FOXN3: variants seen among roughly 807,000 people sequenced by gnomAD.
FOXN3 encodes the protein forkhead box protein N3.
In FOXN3, 7 loss-of-function variants were observed where a neutral mutation model predicts 38.4. That is an observed-to-expected ratio of 0.18 (90% CI 0.10 to 0.34). The LOEUF (loss-of-function observed/expected upper bound fraction) is 0.34, where lower values mean the gene tolerates loss of function less well. Among genes scored for constraint, FOXN3 ranks in the 10% least tolerant of loss-of-function variants. The pLI is 1.00. For missense variants in FOXN3, 456 were observed against 613.4 expected (o/e 0.74, Z 2.71); for synonymous variants, 230 against 242.2 (o/e 0.95, Z 0.47).
chr14:89,432,836 C>G (rs1283375229), intron 1 of FOXN3, among the ~76,000 whole-genome samples: 2 of 152,050 alleles, frequency 1.3e-5, no homozygotes, highest in Non-Finnish European at 2.9e-5. Flanking sequence ...TAGCATTCTT[C>G]ATTTTCTTTT....
At chr14:89,514,395 C>G (rs1894161600) in intron 1 of FOXN3, among the ~76,000 whole-genome samples, 1 of 152,210 alleles carries the variant, frequency 6.6e-6, no homozygotes, top group South Asian at 2.1e-4. Context: ...CCATCCACAC[C>G]TCCTTCCTAA....
At position 89,555,882 on chromosome 14, in the gene FOXN3, G is replaced by GTGTGTGGGTGT. The variant is rs58769284; in HGVS notation, c.-15+63145_-15+63146insACACCCACACA. Among the ~76,000 whole-genome samples the GTGTGTGGGTGT allele has an allele frequency of 2.8e-4, 29 of 104,664 alleles. 2 individuals carry two copies. The highest frequency in any genetic ancestry group is 4.7e-3 in the Middle Eastern group (1 of 214). 68.7% of individuals were successfully genotyped at this position (104,664 alleles called of 152,430 possible). ...GTGTGTGTGTGTGTGTGTGTATGTG[G>GTGTGTGGGTGT]GGGTGTATGTGGGGGTGTGTGTGTT... is the stretch of plus-strand genomic sequence containing the variant. On this transcript the variant is annotated intron_variant, in intron 1 of 6. Transcript: ENST00000345097.
rs1206713767 is a variant in FOXN3 at position 89,156,865 on chromosome 14, T to C, written c.*5549A>G. On this transcript the variant is annotated 3_prime_UTR_variant, in exon 6 of 6. Coordinates refer to ENST00000557258, the MANE Select transcript of FOXN3 (RefSeq NM_005197.4). ...ACATACATACTCAAGAAATGTTGCA[T>C]GTTTAAATAACTGAGAGTGTGCTAA... 9 of 152,464 alleles carry C rather than the reference T, an allele frequency of 5.9e-5. No homozygotes were observed. The highest frequency in any genetic ancestry group is 5.9e-4 in the Admixed American group (9 of 15,290). The allele number at this position is 152,464 out of a possible 1,614,324, so 9.4% of individuals were successfully genotyped here.
chr14:89,560,389 G>A, intron 1 of FOXN3, among the ~76,000 whole-genome samples: 1 of 152,176 alleles, frequency 6.6e-6, no homozygotes, highest in Middle Eastern at 3.2e-3. Context: ...GGGATGGGCA[G>A]AGAACATGGA....
rs532038175 is a variant in FOXN3, at chr14:89,510,825, C to T, written c.-14-98335G>A. Reference sequence around the variant, plus strand: ...AGCGTGGTGGTGTGCGCCTGTAAATCCCAGCTACTTTAGTGGCTGAGGCAT... The same window carrying T: ...AGCGTGGTGGTGTGCGCCTGTAAATTCCAGCTACTTTAGTGGCTGAGGCAT... On this transcript the variant is annotated intron_variant, in intron 1 of 6. Coordinates refer to the FOXN3 transcript ENST00000345097. Among the ~76,000 whole-genome samples the T allele has an allele frequency of 7.1e-4, 108 of 152,288 alleles. 1 individual carries two copies. Among genetic ancestry groups the T allele is most frequent in the African/African-American group, 2.5e-3 (102 of 41,550 alleles).
chr14:89,531,495 C>T lies in FOXN3; in HGVS notation c.-15+87533G>A, dbSNP rs187962145. On this transcript the variant is annotated intron_variant, in intron 1 of 6. Transcript: ENST00000345097. ...AGAATGTTCTCTGAAAGAATAAGTG[C>T]CTAGGAGTTCTGATTTCTTTAGGAC... 1.5e-3 allele frequency among the ~76,000 whole-genome samples: 234 copies of T among 152,250 alleles called. 2 individuals are homozygous for T. The highest frequency in any genetic ancestry group is 6.8e-3 in the Middle Eastern group (2 of 294).
At position 89,475,610 on chromosome 14, in the gene FOXN3, G is replaced by A. The variant is rs186858133; in HGVS notation, c.-14-63120C>T. Among the ~76,000 whole-genome samples, 29 of 152,248 alleles carry A rather than the reference G, an allele frequency of 1.9e-4. No homozygotes were observed. In the East Asian group the frequency reaches 4.8e-3, roughly 25 times the overall value. Reference sequence around the variant, plus strand: ...TTTAAGGCTGCAGTGGGCTATGATCGCACCACAGCACTCCAGCCTGGCCAG... The same window carrying A: ...TTTAAGGCTGCAGTGGGCTATGATCACACCACAGCACTCCAGCCTGGCCAG... On this transcript the variant is annotated intron_variant, in intron 1 of 6. Transcript: ENST00000345097.
chr14:89,450,732 C>A (rs1231947646), intron 1 of FOXN3, among the ~76,000 whole-genome samples: 1 of 152,048 alleles, frequency 6.6e-6, no homozygotes, highest in Non-Finnish European at 1.5e-5. Flanking sequence ...ACTACAGGTG[C>A]CCACAACCAC....
intron 1 of FOXN3, among the ~76,000 whole-genome samples, chr14:89,530,244 C>T (rs1220742174): frequency 6.6e-6 from 1 of 152,050 alleles, no homozygotes; most frequent in East Asian, 1.9e-4. Flanking sequence ...GGCCTTGAGA[C>T]CACGTAATTT....
intron 5 of FOXN3, among the ~76,000 whole-genome samples, chr14:89,172,707 A>G (rs1207439890): frequency 6.6e-6 from 1 of 152,026 alleles, no homozygotes; most frequent in East Asian, 1.9e-4. Flanking sequence ...CCACAAATAG[A>G]AAGAAACCTG....
At chr14:89,558,823 G>A (rs866220191) in intron 1 of FOXN3, among the ~76,000 whole-genome samples, 9 of 152,108 alleles carry the variant, frequency 5.9e-5, no homozygotes, top group Admixed American at 2.0e-4. Flanking sequence ...CTGGAAGGTC[G>A]GGGCGACAGC....
intron 1 of FOXN3, among the ~76,000 whole-genome samples, chr14:89,498,210 C>CTCTT (rs1566676030): frequency 2.5e-5 from 2 of 81,070 alleles, no homozygotes; most frequent in African/African-American, 1.2e-4. Flanking sequence ...CTCTCTCTCT[C>CTCTT]TTTTTTTTTT....
At chr14:89,248,626 T>C (rs1313326491) in intron 4 of FOXN3, among the ~76,000 whole-genome samples, 1 of 152,232 alleles carries the variant, frequency 6.6e-6, no homozygotes, top group Non-Finnish European at 1.5e-5. Flanking sequence ...CTGTGCTACG[T>C]GAGGCAGTGG....
At chr14:89,333,976 A>G (rs1168035269) in intron 3 of FOXN3, among the ~76,000 whole-genome samples, 47 of 3,078 alleles carry the variant, frequency 0.015, 1 homozygote, top group African/African-American at 0.027. Flanking sequence ...GTATATATAT[A>G]TATATATATA....
Position 89,261,930 on chromosome 14 carries a change from AAAAACAAAAC to A in FOXN3, c.745+19010_745+19019del, listed in dbSNP as rs559811426. On this transcript the variant is annotated intron_variant, in intron 4 of 5. Transcript: ENST00000557258. ...GGCGACAGAGCGAGACTCCGTCTCAAAAAACAAAACAAAACAAAACAAAATTAGCCAGGTG... is the reference window on the plus strand; with the variant it reads ...GGCGACAGAGCGAGACTCCGTCTCAAAAAACAAAACAAAATTAGCCAGGTG... Among the ~76,000 whole-genome samples, 59 of 152,218 alleles carry A rather than the reference AAAAACAAAAC, an allele frequency of 3.9e-4. 1 individual carries two copies. In the South Asian group the frequency reaches 0.011, roughly 29 times the overall value.
intron 1 of FOXN3, among the ~76,000 whole-genome samples, chr14:89,431,384 T>C (rs1041390222): frequency 2.0e-5 from 3 of 152,008 alleles, no homozygotes; most frequent in African/African-American, 7.2e-5. Context: ...CTAATTTTTG[T>C]ATTTTTGGTA....
At chr14:89,296,532 C>T (rs1887044840) in intron 3 of FOXN3, among the ~76,000 whole-genome samples, 1 of 152,196 alleles carries the variant, frequency 6.6e-6, no homozygotes, top group Admixed American at 6.5e-5. Flanking sequence ...GGCAGAGCAG[C>T]TGGGCCAAGA....
rs141618451 is a variant in FOXN3, at chr14:89,364,975, G to C, written c.544-14167C>G. ...CGCAGGAAAAATCAATAATCTGCTT[G>C]CATCAACACCTAAATAAAACCAAAA... On this transcript the variant is annotated intron_variant, in intron 2 of 5. Coordinates refer to ENST00000557258, the MANE Select transcript of FOXN3 (RefSeq NM_005197.4). Among the ~76,000 whole-genome samples the C allele has an allele frequency of 3.9e-5, 6 of 152,302 alleles. No individual in the cohort carries two copies. The East Asian group carries it at 5.8e-4, about 15-fold the overall frequency.
At chr14:89,189,156 G>C (rs1887882362) in intron 4 of FOXN3, among the ~76,000 whole-genome samples, 1 of 152,142 alleles carries the variant, frequency 6.6e-6, no homozygotes, top group African/African-American at 2.4e-5. Context: ...AGAAAGGTTG[G>C]AGTCAAATAT....
Sources: allele counts gnomAD v4.1 joint callset (sites outside exome capture counted in the v4.1 genomes callset), GRCh38; gene constraint gnomAD v4.1.1; transcripts MANE v1.5; gene names NCBI Gene and HGNC (gene_info 2026-07-23, HGNC 2026-07-21).